OTOP2: variants seen among roughly 807,000 people sequenced by gnomAD.
The protein encoded by OTOP2 is proton channel OTOP2.
In OTOP2, 41 loss-of-function variants were observed where a neutral mutation model predicts 47.4. The observed-to-expected ratio is 0.87, with a 90% CI of 0.67 to 1.12. The LOEUF (loss-of-function observed/expected upper bound fraction) is 1.12. OTOP2 is among the 50% of genes most tolerant of loss of function. The pLI, the probability that OTOP2 is intolerant of heterozygous loss-of-function variation, is 0.00. For synonymous variants in OTOP2, 328 were observed against 319.6 expected, an observed-to-expected ratio of 1.03 and a Z score of -0.28; for missense variants, 721 against 752.2, an observed-to-expected ratio of 0.96 and a Z score of 0.49.
chr17:74,926,429 C>A (rs571419097), intron 3 of OTOP2, among the ~76,000 whole-genome samples: 3 of 152,156 alleles, frequency 2.0e-5, no homozygotes, highest in South Asian at 4.2e-4. Context: ...TCACAGGCAG[C>A]CAGATGGTAG....
At chr17:74,925,412 C>G in intron 2 of OTOP2, 144 bp from the exon 3 acceptor site, 2 of 1,025,068 alleles carry the variant, frequency 2.0e-6, no homozygotes, top group Non-Finnish European at 2.8e-6. Flanking sequence ...CCCACCCTCC[C>G]CATTGATCCA....
At position 74,930,761 on chromosome 17, in the gene OTOP2, G is replaced by T. The variant is rs767767234; in HGVS notation, c.1126G>T (p.Ala376Ser). The T allele has an allele frequency of 6.2e-7, 1 of 1,614,044 alleles. No homozygotes were observed. ...TLDVALLMGA[A>S]LGQYAISYYS... Reference sequence around the variant, plus strand: ...GGACGTGGCCCTGCTGATGGGTGCCGCCCTGGGTCAGTACGCCATCTCTTA... The same window carrying T: ...GGACGTGGCCCTGCTGATGGGTGCCTCCCTGGGTCAGTACGCCATCTCTTA... Residue 376 changes from alanine (A) to serine (S), a missense_variant, in exon 6 of 7, where the codon GCC (alanine) becomes TCC (serine). Transcript: ENST00000331427. The surrounding 1 kb of genome is among the most constrained non-coding windows in gnomAD (Gnocchi z 4.0).
chr17:74,930,995 C>A lies in OTOP2; in HGVS notation c.1360C>A (p.Leu454Ile), dbSNP rs1461633323. The A allele has an allele frequency of 6.2e-7, 1 of 1,614,180 alleles. No homozygotes were observed. The highest frequency in any genetic ancestry group is 8.5e-7 in the Non-Finnish European group (1 of 1,180,016). ...CCTCACCTTCACCAACCTGGATGCCCTCCACACGTTGTCCGCCTGCCCACC... is the reference window on the plus strand; with the variant it reads ...CCTCACCTTCACCAACCTGGATGCCATCCACACGTTGTCCGCCTGCCCACC... ...QDLTFTNLDALHTLSACPPNP... is the reference protein window; with the variant it reads ...QDLTFTNLDAIHTLSACPPNP... Residue 454 changes from leucine (L) to isoleucine (I), a missense_variant, in exon 6 of 7, where the codon CTC becomes ATC. Leu to Ile is a conservative substitution (Grantham distance 5). Coordinates refer to ENST00000331427, the MANE Select transcript of OTOP2 (RefSeq NM_178160.3). The surrounding 1 kb of genome is among the most constrained non-coding windows in gnomAD (Gnocchi z 4.0).
rs1485969473 is a variant in OTOP2, at chr17:74,930,673, C to T, written c.1038C>T (p.Gly346=). The change falls in exon 6 of 7, where the codon GGC becomes GGT. Residue 346 remains glycine (G), a synonymous_variant. Transcript: ENST00000331427. This position sits in a 1 kb window ranked among gnomAD's most constrained non-coding sequence, Gnocchi z 4.0. ...TCACCACCTTGGTCAGCCTGAGCGGCTCCATCATCTACCGTTTTGACCGCC... is the reference window on the plus strand; with the variant it reads ...TCACCACCTTGGTCAGCCTGAGCGGTTCCATCATCTACCGTTTTGACCGCC... ...LGLTTLVSLS[G]SIIYRFDRRA... 9 of 1,614,098 alleles carry T rather than the reference C, an allele frequency of 5.6e-6. No individual in the cohort carries two copies. The East Asian group carries it at 2.0e-4, about 36-fold the overall frequency.
Position 74,924,490 on chromosome 17 carries a change from A to C in OTOP2, c.-33-110A>C. On this transcript the variant is annotated intron_variant, in intron 1 of 6. Transcript: ENST00000331427. This position sits in a 1 kb window ranked among gnomAD's most constrained non-coding sequence, Gnocchi z 7.7. ...TCCCAGCGCTTCCTCCAGCACCCGA[A>C]GCCCCAACCCTGCGGGTCAGGAACT... 1 of 970,246 alleles carries C rather than the reference A, an allele frequency of 1.0e-6. No homozygotes were observed. Among genetic ancestry groups the C allele is most frequent in the South Asian group, 1.9e-5 (1 of 53,368 alleles). The allele number at this position is 970,246 out of a possible 1,614,324, so 60.1% of individuals were successfully genotyped here.
In OTOP2 at chr17:74,931,117, A is replaced by G. The variant is rs540930511; in HGVS notation, c.1482A>G (p.Lys494=). ...PRSQWRRQCL[K]DISLFLLLCN... ...GCCAGTGGAGACGCCAGTGCCTAAA[A>G]GACATTTCTCTGTTTCTCCTACTCT... The change falls in exon 6 of 7, where the codon AAA becomes AAG. Residue 494 remains lysine (K), a synonymous_variant. Coordinates refer to ENST00000331427, the MANE Select transcript of OTOP2 (RefSeq NM_178160.3). The G allele has an allele frequency of 6.2e-7, 1 of 1,609,814 alleles. No homozygotes were observed. The highest frequency in any genetic ancestry group is 2.2e-5 in the East Asian group (1 of 44,808).
At position 74,927,781 on chromosome 17, in the gene OTOP2, C is replaced by T. The variant is rs1381089094; in HGVS notation, c.626C>T (p.Ala209Val). 1 of 1,614,096 alleles carries T rather than the reference C, an allele frequency of 6.2e-7. No homozygotes were observed. Among genetic ancestry groups the T allele is most frequent in the Non-Finnish European group, 8.5e-7 (1 of 1,179,980 alleles). Residue 209 changes from alanine to valine, a missense_variant, in exon 5 of 7, where the codon GCC (alanine) becomes GTC (valine). Transcript: ENST00000331427. ...AGTTCTCACAGCAACGCCAGCCACG[C>T]CCGTCTCATCTCTGACCGTGAGTTT... ...YSSSHSNASHARLISDQHADN... is the reference protein window; with the variant it reads ...YSSSHSNASHVRLISDQHADN...
At position 74,927,446 on chromosome 17, in the gene OTOP2, C is replaced by A. The variant is rs1463342595; in HGVS notation, c.509+165C>A. 1.4e-5 allele frequency: 14 copies of A among 1,028,922 alleles called. No homozygotes were observed. In the East Asian group the frequency reaches 3.3e-4, roughly 24 times the overall value. The allele number at this position is 1,028,922 out of a possible 1,614,324, so 63.7% of individuals were successfully genotyped here. ...GGCTGACTTCCACTACCTTGTGGGG[C>A]CCTTTCTCCCAGGGGAGGGAGTGGT... On this transcript the variant is annotated intron_variant, in intron 4 of 6. Transcript: ENST00000331427.
chr17:74,927,867 C>T (rs1208078608), intron 5 of OTOP2, 69 bp downstream of exon 5: 10 of 1,549,726 alleles, frequency 6.5e-6, no homozygotes, highest in Admixed American at 5.7e-5. Flanking sequence ...GAATTTATAA[C>T]GTCAGTCTCC....
At position 74,933,588 on chromosome 17, in the gene OTOP2, CT is replaced by C. The variant is rs1452819762; in HGVS notation, c.*44del. The C allele has an allele frequency of 6.5e-7, 1 of 1,534,458 alleles. No individual in the cohort carries two copies. Among genetic ancestry groups the C allele is most frequent in the Admixed American group, 1.7e-5 (1 of 57,370 alleles). Reference sequence around the variant, plus strand: ...TGGGGGGCAGGAAGAGGGGGCTCAGCTCATGTGCCCACTCAGACACCCTCTG... The same window carrying C: ...TGGGGGGCAGGAAGAGGGGGCTCAGCCATGTGCCCACTCAGACACCCTCTG... On this transcript the variant is annotated 3_prime_UTR_variant, in exon 7 of 7. Coordinates refer to ENST00000331427, the MANE Select transcript of OTOP2 (RefSeq NM_178160.3). This position sits in a 1 kb window ranked among gnomAD's most constrained non-coding sequence, Gnocchi z 4.7.
chr17:74,930,604 G>T lies in OTOP2; in HGVS notation c.969G>T (p.Gln323His). ...GCGGGGACGGGAGCCGCACCAGGCAGGCCCTGGTCATCTACTACAGCTTCA... is the reference window on the plus strand; with the variant it reads ...GCGGGGACGGGAGCCGCACCAGGCATGCCCTGGTCATCTACTACAGCTTCA... Reference protein sequence around the residue: ...QVSGDGSRTRQALVIYYSFNI... With the variant: ...QVSGDGSRTRHALVIYYSFNI... Residue 323 changes from glutamine (Q) to histidine (H), a missense_variant, in exon 6 of 7, where the codon CAG becomes CAT. Physicochemically the swap from Gln to His is conservative, Grantham distance 24. Coordinates refer to ENST00000331427, the MANE Select transcript of OTOP2 (RefSeq NM_178160.3). This position sits in a 1 kb window ranked among gnomAD's most constrained non-coding sequence, Gnocchi z 4.0. 6.2e-7 allele frequency: 1 copy of T among 1,614,034 alleles called. No homozygotes were observed. The highest frequency in any genetic ancestry group is 8.5e-7 in the Non-Finnish European group (1 of 1,180,022).
At position 74,924,435 on chromosome 17, in the gene OTOP2, G is replaced by C; in HGVS notation, c.-34+102G>C. On this transcript the variant is annotated intron_variant, in intron 1 of 6. Coordinates refer to ENST00000331427, the MANE Select transcript of OTOP2 (RefSeq NM_178160.3). This position sits in a 1 kb window ranked among gnomAD's most constrained non-coding sequence, Gnocchi z 7.7. ...TCTCCTTTCTTCCCATCCAGCGAGA[G>C]GGGCAGGTTCCGCATTTTCTCTTCC... The C allele has an allele frequency of 1.7e-6, 1 of 595,126 alleles. No individual in the cohort carries two copies. The highest frequency in any genetic ancestry group is 2.8e-6 in the Non-Finnish European group (1 of 354,784). The allele number at this position is 595,126 out of a possible 1,614,324, so 36.9% of individuals were successfully genotyped here.
rs1327849048 is a variant in OTOP2, at chr17:74,924,786, T to G, written c.154T>G (p.Phe52Val). The part of the protein sequence containing the change: ...LACTLISGGA[F>V]NKVAVYDTDV... ...CTGCACGCTCATCAGCGGCGGAGCCTTCAACAAGGTGGCCGTGTACGACAC... is the reference window on the plus strand; with the variant it reads ...CTGCACGCTCATCAGCGGCGGAGCCGTCAACAAGGTGGCCGTGTACGACAC... The change falls in exon 2 of 7, where the codon TTC (phenylalanine) becomes GTC (valine). Residue 52 changes from phenylalanine (F) to valine (V), a missense_variant. By Grantham distance (50) the Phe-to-Val change is conservative. Coordinates refer to ENST00000331427, the MANE Select transcript of OTOP2 (RefSeq NM_178160.3). The surrounding 1 kb of genome is among the most constrained non-coding windows in gnomAD (Gnocchi z 7.7). 1 of 1,611,634 alleles carries G rather than the reference T, an allele frequency of 6.2e-7. No homozygotes were observed. Among genetic ancestry groups the G allele is most frequent in the South Asian group, 1.1e-5 (1 of 90,678 alleles).
intron 3 of OTOP2, 58 bp from the exon 4 acceptor site, chr17:74,927,165 C>T (rs1000743489): frequency 2.2e-5 from 32 of 1,454,928 alleles, no homozygotes; most frequent in South Asian, 3.4e-5. Flanking sequence ...GACTTGGGTG[C>T]GCTGGAGTTT....
At position 74,924,831 on chromosome 17, in the gene OTOP2, A is replaced by T; in HGVS notation, c.199A>T (p.Thr67Ser). 5.6e-6 allele frequency: 9 copies of T among 1,610,814 alleles called. No individual in the cohort carries two copies. Among genetic ancestry groups the T allele is most frequent in the Non-Finnish European group, 7.6e-6 (9 of 1,178,800 alleles). ...CGACACCGACGTGTTCGCGCTGCTC[A>T]CTGCGATGATGCTGCTGGCAACGCT... ...VYDTDVFALLTAMMLLATLWI... is the reference protein window; with the variant it reads ...VYDTDVFALLSAMMLLATLWI... Residue 67 changes from threonine to serine, a missense_variant, in exon 2 of 7, where the codon ACT (threonine) becomes TCT (serine). Transcript: ENST00000331427. The surrounding 1 kb of genome is among the most constrained non-coding windows in gnomAD (Gnocchi z 7.7).
Position 74,924,718 on chromosome 17 carries a change from G to T in OTOP2, c.86G>T (p.Arg29Leu). 2 of 1,606,506 alleles carry T rather than the reference G, an allele frequency of 1.2e-6. No individual in the cohort carries two copies. Among genetic ancestry groups the T allele is most frequent in the Non-Finnish European group, 1.7e-6 (2 of 1,177,318 alleles). ...AGGGAGGTGTGGAAGAAGGGTGGCCGCCTGCTGTCGGTGCTGCTGGCGGTG... is the reference window on the plus strand; with the variant it reads ...AGGGAGGTGTGGAAGAAGGGTGGCCTCCTGCTGTCGGTGCTGCTGGCGGTG... Reference protein sequence around the residue: ...GPREVWKKGGRLLSVLLAVNV... With the variant: ...GPREVWKKGGLLLSVLLAVNV... The change falls in exon 2 of 7, where the codon CGC becomes CTC. Residue 29 changes from arginine (R) to leucine (L), a missense_variant. Transcript: ENST00000331427. This position sits in a 1 kb window ranked among gnomAD's most constrained non-coding sequence, Gnocchi z 7.7.
chr17:74,924,836 G>A lies in OTOP2; in HGVS notation c.204G>A (p.Ala68=), dbSNP rs753447052. Residue 68 remains alanine, a synonymous_variant, in exon 2 of 7, where the codon GCG becomes GCA. Coordinates refer to ENST00000331427, the MANE Select transcript of OTOP2 (RefSeq NM_178160.3). The surrounding 1 kb of genome is among the most constrained non-coding windows in gnomAD (Gnocchi z 7.7). ...CCGACGTGTTCGCGCTGCTCACTGC[G>A]ATGATGCTGCTGGCAACGCTCTGGA... is the stretch of plus-strand genomic sequence containing the variant. ...YDTDVFALLT[A]MMLLATLWIL... The A allele has an allele frequency of 3.7e-6, 6 of 1,610,322 alleles. No homozygotes were observed. In the African/African-American group the frequency reaches 5.3e-5, roughly 14 times the overall value.
chr17:74,925,311 A>G (rs1004463059), intron 2 of OTOP2, among the ~76,000 whole-genome samples: 5 of 152,032 alleles, frequency 3.3e-5, no homozygotes, highest in Non-Finnish European at 7.4e-5. Context: ...GCTTGGTAGC[A>G]GGTCCATCCA....
chr17:74,927,391 G>A (rs2144765230), intron 4 of OTOP2, 110 bp downstream of exon 4: 1 of 1,312,484 alleles, frequency 7.6e-7, no homozygotes, highest in South Asian at 1.2e-5. Flanking sequence ...CCCTGGGTGG[G>A]GTTGCAGCCA....
Sources: allele counts gnomAD v4.1 joint callset (sites outside exome capture counted in the v4.1 genomes callset), GRCh38; gene constraint gnomAD v4.1.1; non-coding constraint Gnocchi (gnomAD v3.1); transcripts MANE v1.5; gene names NCBI Gene and HGNC (gene_info 2026-07-23, HGNC 2026-07-21).